The following INPP4A variants were observed in gnomAD, a reference collection of about 807,000 sequenced individuals.
INPP4A encodes the protein inositol polyphosphate-4-phosphatase type I A, also known as inositol polyphosphate-4-phosphatase, type I, 107kD.
Under a neutral mutation model 119.8 loss-of-function variants are expected in INPP4A, and 33 were observed. That is an observed-to-expected ratio of 0.28 (90% confidence interval 0.21 to 0.37). The LOEUF (loss-of-function observed/expected upper bound fraction) is 0.37. Among genes scored for constraint, INPP4A ranks in the 10% least tolerant of loss-of-function variants. INPP4A has a pLI of 1.00. For synonymous variants in INPP4A, 496 were observed against 500.7 expected (o/e 0.99, Z 0.12); for missense variants, 956 against 1,289.9 (o/e 0.74, Z 3.97).
chr2:98,507,695 A>C (rs1684335295), intron 1 of INPP4A, among the ~76,000 whole-genome samples: 2 of 152,100 alleles, frequency 1.3e-5, no homozygotes. Flanking sequence ...AGCTCCCACC[A>C]TGTGGACTGG....
chr2:98,543,346 G>A (rs540410439), intron 10 of INPP4A, among the ~76,000 whole-genome samples: 5 of 152,332 alleles, frequency 3.3e-5, no homozygotes, highest in East Asian at 3.9e-4. Flanking sequence ...CTATCCGGGA[G>A]GGCAGAAGGC....
intron 1 of INPP4A, among the ~76,000 whole-genome samples, chr2:98,462,413 A>T (rs923930597): frequency 6.6e-6 from 1 of 152,242 alleles, no homozygotes; most frequent in African/African-American, 2.4e-5. Context: ...GTGCCACTGC[A>T]CTTTAGCCTG....
At chr2:98,460,927 G>A (rs1697031517) in intron 1 of INPP4A, among the ~76,000 whole-genome samples, 1 of 152,162 alleles carries the variant, frequency 6.6e-6, no homozygotes, top group Non-Finnish European at 1.5e-5. Flanking sequence ...GAAGCATTGG[G>A]GTGTAAAGAA....
At chr2:98,536,780 C>G (rs1338966072) in intron 7 of INPP4A, among the ~76,000 whole-genome samples, 1 of 152,126 alleles carries the variant, frequency 6.6e-6, no homozygotes, top group Non-Finnish European at 1.5e-5. Context: ...GGAAAGTAAT[C>G]TAGAGTAGCA....
chr2:98,509,601 G>A (rs1261849348), intron 1 of INPP4A, among the ~76,000 whole-genome samples: 2 of 152,202 alleles, frequency 1.3e-5, no homozygotes, highest in African/African-American at 4.8e-5. Flanking sequence ...GAAATTGGAG[G>A]TGCTGAAGAA....
chr2:98,576,419 G>A (rs1017480948), intron 23 of INPP4A, among the ~76,000 whole-genome samples: 2 of 152,174 alleles, frequency 1.3e-5, no homozygotes, highest in African/African-American at 2.4e-5. Flanking sequence ...GGCGGGAGGA[G>A]GCCTGTGGGG....
At chr2:98,555,362 C>A (rs1481549485) in intron 15 of INPP4A, among the ~76,000 whole-genome samples, 191 bp from the exon 16 acceptor site, 1 of 152,198 alleles carries the variant, frequency 6.6e-6, no homozygotes, top group Admixed American at 6.5e-5. Flanking sequence ...CGCAGGACAT[C>A]GATTCATCGT....
rs760449823 is a variant in INPP4A at position 98,546,239 on chromosome 2, C to T, written c.1054+166C>T. ...TCAAAAGGTTTCTGATAACAGCCCA[C>T]ACCCCTTCCTTTTGTCTCTCCTCAC... On this transcript the variant is annotated intron_variant, in intron 12 of 24. Coordinates refer to ENST00000409851, the MANE Select transcript of INPP4A (RefSeq NM_001134225.2). The surrounding 1 kb of genome is among the most constrained non-coding windows in gnomAD (Gnocchi z 4.2). 6.6e-6 allele frequency among the ~76,000 whole-genome samples: 1 copy of T among 152,214 alleles called. No homozygotes were observed. The highest frequency in any genetic ancestry group is 2.4e-5 in the African/African-American group (1 of 41,460).
chr2:98,497,684 T>TTCTA (rs56099082), intron 1 of INPP4A, among the ~76,000 whole-genome samples: 41,638 of 152,028 alleles, frequency 0.27, 5,711 homozygotes, highest in Middle Eastern at 0.35. Flanking sequence ...AAATATTTTC[T>TTCTA]TCTGATTTTG....
intron 16 of INPP4A, 125 bp from the exon 17 acceptor site, chr2:98,559,338 T>C: frequency 1.9e-6 from 2 of 1,058,518 alleles, no homozygotes; most frequent in Admixed American, 3.9e-5. Flanking sequence ...CACCCAGACC[T>C]CTTTTCTGTT....
rs1403697405 is a variant in INPP4A at position 98,570,492 on chromosome 2, C to T, written c.2518+1824C>T. Among the ~76,000 whole-genome samples, 1 of 152,146 alleles carries T rather than the reference C, an allele frequency of 6.6e-6. No individual in the cohort carries two copies. Among genetic ancestry groups the T allele is most frequent in the African/African-American group, 2.4e-5 (1 of 41,420 alleles). Reference sequence around the variant, plus strand: ...AGTCTCACTGTGGTGAGGGCTGGGCCAGGGATCAAGGGGTGATGAAATGGT... The same window carrying T: ...AGTCTCACTGTGGTGAGGGCTGGGCTAGGGATCAAGGGGTGATGAAATGGT... On this transcript the variant is annotated intron_variant, in intron 22 of 24. Transcript: ENST00000409851. This position sits in a 1 kb window ranked among gnomAD's most constrained non-coding sequence, Gnocchi z 4.3.
intron 19 of INPP4A, 36 bp from the exon 20 acceptor site, chr2:98,565,604 C>A: frequency 1.3e-6 from 2 of 1,576,830 alleles, no homozygotes; most frequent in Non-Finnish European, 8.6e-7. Flanking sequence ...TAGCAGGGCC[C>A]TCTGCCTGAC....
intron 24 of INPP4A, among the ~76,000 whole-genome samples, chr2:98,585,325 A>G (rs541871292): frequency 1.1e-4 from 17 of 152,364 alleles, no homozygotes; most frequent in African/African-American, 3.8e-4. Flanking sequence ...CCCTAAAATT[A>G]TCTGTCACTT....
intron 24 of INPP4A, among the ~76,000 whole-genome samples, chr2:98,580,980 G>T (rs1028248915): frequency 6.6e-6 from 1 of 152,240 alleles, no homozygotes; most frequent in Non-Finnish European, 1.5e-5. Context: ...AGTCGCTCAT[G>T]CCTGCCACTG....
At chr2:98,449,090 A>C (rs1381924268) in intron 1 of INPP4A, among the ~76,000 whole-genome samples, 1 of 152,198 alleles carries the variant, frequency 6.6e-6, no homozygotes, top group Non-Finnish European at 1.5e-5. Flanking sequence ...GATCACTTGA[A>C]TTAAGGTGGT....
At chr2:98,497,940 C>T (rs1312519732) in intron 1 of INPP4A, among the ~76,000 whole-genome samples, 3 of 152,202 alleles carry the variant, frequency 2.0e-5, no homozygotes, top group Admixed American at 2.0e-4. Context: ...TACCTGCACC[C>T]CCATTGTATC....
intron 4 of INPP4A, among the ~76,000 whole-genome samples, chr2:98,526,004 C>T (rs1295797680): frequency 2.0e-5 from 3 of 152,136 alleles, no homozygotes; most frequent in Non-Finnish European, 4.4e-5. Flanking sequence ...ACATGAACAA[C>T]AACATTTATG....
chr2:98,555,988 G>A (rs1290759360), intron 16 of INPP4A, 180 bp downstream of exon 16: 1 of 649,180 alleles, frequency 1.5e-6, no homozygotes, highest in Non-Finnish European at 2.5e-6. Flanking sequence ...GTCTCCGGTT[G>A]CCTTTCCATG....
chr2:98,552,987 C>A lies in INPP4A; in HGVS notation c.1347+18C>A. On this transcript the variant is annotated intron_variant, in intron 14 of 24. Coordinates refer to ENST00000409851, the MANE Select transcript of INPP4A (RefSeq NM_001134225.2). Reference sequence around the variant, plus strand: ...CAGACAAGGTAGGAGGGGTGCCCTGCTACATATGGGCTGGGGAGTTTCCTT... The same window carrying A: ...CAGACAAGGTAGGAGGGGTGCCCTGATACATATGGGCTGGGGAGTTTCCTT... 6.3e-7 allele frequency: 1 copy of A among 1,591,376 alleles called. No homozygotes were observed. Among genetic ancestry groups the A allele is most frequent in the Non-Finnish European group, 8.6e-7 (1 of 1,166,750 alleles).
Sources: gnomAD v4.1 joint callset for allele counts (sites outside exome capture counted in the v4.1 genomes callset) on GRCh38, gnomAD v4.1.1 for gene constraint, Gnocchi (gnomAD v3.1) non-coding constraint, MANE v1.5 for transcripts, NCBI Gene and HGNC (gene_info 2026-07-23, HGNC 2026-07-21) for gene names.